The following MAMLD1 variants were observed in gnomAD, a reference collection of about 807,000 sequenced individuals.
The protein encoded by MAMLD1 is mastermind-like domain-containing protein 1.
In MAMLD1, 14 loss-of-function variants were observed where a neutral mutation model predicts 45.0. That is an observed-to-expected ratio of 0.31 (90% CI 0.21 to 0.49). The LOEUF (loss-of-function observed/expected upper bound fraction) is 0.49. MAMLD1 is among the 20% of genes least tolerant of loss of function. MAMLD1 has a pLI of 0.99. For missense variants in MAMLD1, 543 were observed against 603.6 expected (o/e 0.90, Z 1.05); for synonymous variants, 254 against 247.8 (o/e 1.02, Z -0.24).
intron 1 of MAMLD1, among the ~76,000 whole-genome samples, chrX:150,401,729 A>G (rs1360611139): frequency 7.2e-5 from 8 of 111,754 alleles, no homozygotes; most frequent in African/African-American, 9.8e-5. Context: ...GGAGATATAG[A>G]TCAATGGAAC....
rs1557402717 is a variant in MAMLD1, at chrX:150,407,932, T to A, written c.-63-37522T>A. On this transcript the variant is annotated intron_variant, in intron 1 of 7. Transcript: ENST00000370401. Reference sequence around the variant, plus strand: ...TTGATCATTATAACAATCTGTCTTATTCTTATGTGATTTCTCTCTTTGCTG... The same window carrying A: ...TTGATCATTATAACAATCTGTCTTAATCTTATGTGATTTCTCTCTTTGCTG... Among the ~76,000 whole-genome samples, 3 of 112,097 alleles carry A rather than the reference T, an allele frequency of 2.7e-5. No homozygotes were observed. In the East Asian group the frequency reaches 8.4e-4, roughly 31 times the overall value.
intron 6 of MAMLD1, among the ~76,000 whole-genome samples, chrX:150,507,374 G>T (rs1420321040): frequency 8.9e-6 from 1 of 112,600 alleles, no homozygotes; most frequent in African/African-American, 3.2e-5. Context: ...GGAGCACATT[G>T]ATTCAGAACA....
At chrX:150,481,981 A>AAAAAAGAAAGAAAGAAAGAAAG (rs2036807043) in intron 5 of MAMLD1, among the ~76,000 whole-genome samples, 1 of 90,527 alleles carries the variant, frequency 1.1e-5, no homozygotes, top group Non-Finnish European at 2.1e-5. Flanking sequence ...AGAAAGAAAG[A>AAAAAAGAAAGAAAGAAAGAAAG]AAGAAAGAAA....
upstream of MAMLD1, among the ~76,000 whole-genome samples, chrX:150,363,061 G>C (rs2031102989): frequency 8.9e-6 from 1 of 112,990 alleles, no homozygotes; most frequent in East Asian, 2.8e-4. Context: ...TTGGCTGCCC[G>C]CTGCCCCATC....
intron 1 of MAMLD1, among the ~76,000 whole-genome samples, chrX:150,398,335 GAAGAAGAGGAAGA>G (rs2033586467): frequency 1.3e-5 from 1 of 76,691 alleles, no homozygotes; most frequent in Non-Finnish European, 2.6e-5. Context: ...AGAAGAAGAA[GAAGAAGAGGAAGA>G]GGAAGAGGAA....
intron 2 of MAMLD1, among the ~76,000 whole-genome samples, chrX:150,446,558 T>C (rs2035493941): frequency 8.9e-6 from 1 of 112,664 alleles, no homozygotes; most frequent in African/African-American, 3.2e-5. Flanking sequence ...TGAAATCTTG[T>C]TTTCTCTTTG....
chrX:150,421,379 G>C (rs200211499), intron 1 of MAMLD1, among the ~76,000 whole-genome samples: 1 of 112,701 alleles, frequency 8.9e-6, no homozygotes, highest in African/African-American at 3.2e-5. Context: ...GATGGAAATG[G>C]AGAAATCACC....
At chrX:150,503,587 C>A in intron 6 of MAMLD1, 70 bp downstream of exon 6, 1 of 648,338 alleles carries the variant, frequency 1.5e-6, no homozygotes, top group Non-Finnish European at 2.5e-6. Context: ...CTCAGCCTGC[C>A]CGCCTGCCTC....
intron 5 of MAMLD1, among the ~76,000 whole-genome samples, chrX:150,499,337 G>A (rs2037483748): frequency 8.9e-6 from 1 of 112,103 alleles, no homozygotes; most frequent in Non-Finnish European, 1.9e-5. Context: ...CTATAACCTT[G>A]CAAATGTGCA....
At chrX:150,406,264 G>C (rs1259831945) in intron 1 of MAMLD1, among the ~76,000 whole-genome samples, 2 of 109,690 alleles carry the variant, frequency 1.8e-5, no homozygotes, top group Non-Finnish European at 3.8e-5. Flanking sequence ...CACAGAAAGG[G>C]TAAAAGCCTC....
chrX:150,387,213 G>C (rs1557402084), intron 1 of MAMLD1, among the ~76,000 whole-genome samples: 1 of 110,819 alleles, frequency 9.0e-6, no homozygotes, highest in African/African-American at 3.3e-5. Flanking sequence ...ACATATTTTG[G>C]TAAAATTTTG....
Position 150,393,775 on chromosome X carries a change from AT to A in MAMLD1, c.-64+30246del, listed in dbSNP as rs782504190. On this transcript the variant is annotated intron_variant, in intron 1 of 7. Transcript: ENST00000370401. ...GTTCAAGCCTTTGGCCCATTGTTTA[AT>A]CAGGTTGTTTGTTTTCTTATATTGT... Among the ~76,000 whole-genome samples, 8 of 111,892 alleles carry A rather than the reference AT, an allele frequency of 7.1e-5. No individual in the cohort carries two copies. The South Asian group carries it at 2.6e-3, about 36-fold the overall frequency.
intron 6 of MAMLD1, chrX:150,504,381 A>C (rs1166131908): frequency 1.3e-6 from 1 of 752,620 alleles, no homozygotes; most frequent in East Asian, 1.5e-4. Flanking sequence ...AGGGCCTCCC[A>C]GGATTCTGGC....
At chrX:150,448,144 G>C (rs1293617341) in intron 2 of MAMLD1, among the ~76,000 whole-genome samples, 1 of 111,832 alleles carries the variant, frequency 8.9e-6, no homozygotes, top group African/African-American at 3.3e-5. Flanking sequence ...AGAACACCTG[G>C]GTTCTAGTCT....
upstream of MAMLD1, chrX:150,361,725 A>G (rs1246051699): frequency 1.8e-5 from 2 of 112,540 alleles, no homozygotes; most frequent in African/African-American, 6.5e-5. Context: ...CGGGGAGGGG[A>G]TCCTAGAGAA....
intron 2 of MAMLD1, among the ~76,000 whole-genome samples, chrX:150,448,226 C>T (rs190584980): frequency 8.1e-5 from 9 of 111,775 alleles, no homozygotes; most frequent in Non-Finnish European, 1.7e-4. Flanking sequence ...TTCAAATGAA[C>T]GAAAAGTAAG....
At chrX:150,369,095 G>T (rs977947564) in intron 1 of MAMLD1, among the ~76,000 whole-genome samples, 1 of 111,909 alleles carries the variant, frequency 8.9e-6, no homozygotes, top group Non-Finnish European at 1.9e-5. Flanking sequence ...CCAATTCTGT[G>T]AAGAAAGTCA....
rs72612719 is a variant in MAMLD1 at position 150,505,283 on chromosome X, T to C, written c.2284+1766T>C. ...TGGTGTGGCAGTTTCCAGTTCCCCA[T>C]TGGGGTCCCATGACTTGACCTTAGG... On this transcript the variant is annotated intron_variant, in intron 6 of 7. Coordinates refer to ENST00000370401, the MANE Select transcript of MAMLD1 (RefSeq NM_005491.5). Among the ~76,000 whole-genome samples the C allele has an allele frequency of 5.2e-3, 581 of 111,796 alleles. 8 individuals carry two copies. In the East Asian group the frequency reaches 0.062, roughly 12 times the overall value.
intron 1 of MAMLD1, among the ~76,000 whole-genome samples, chrX:150,410,263 C>A (rs1438679294): frequency 8.9e-6 from 1 of 112,029 alleles, no homozygotes; most frequent in Non-Finnish European, 1.9e-5. Flanking sequence ...ATGTCTGGCA[C>A]CTTTATAGGT....
Sources: allele counts gnomAD v4.1 joint callset (sites outside exome capture counted in the v4.1 genomes callset), GRCh38; gene constraint gnomAD v4.1.1; transcripts MANE v1.5; gene names NCBI Gene and HGNC (gene_info 2026-07-23, HGNC 2026-07-21).